The following TCHP variants were observed in gnomAD, a reference collection of about 807,000 sequenced individuals.
The protein encoded by TCHP is trichoplein keratin filament-binding protein.
In TCHP, 81 loss-of-function variants were observed where a neutral mutation model predicts 88.7. The ratio of observed to expected loss-of-function variants is 0.91; its 90% CI spans 0.76 to 1.10. The LOEUF (loss-of-function observed/expected upper bound fraction) is 1.10, where lower values mean the gene tolerates loss of function less well. TCHP is among the 50% of genes least tolerant of loss of function. TCHP has a pLI of 0.00. For missense variants in TCHP, 641 were observed against 632.1 expected, an observed-to-expected ratio of 1.01 and a Z score of -0.15; for synonymous variants, 232 against 232.5, an observed-to-expected ratio of 1.00 and a Z score of 0.02.
chr12:109,886,928 C>T, the TCHP span, among the ~76,000 whole-genome samples: 1 of 151,896 alleles, frequency 6.6e-6, no homozygotes, highest in Non-Finnish European at 1.5e-5. Context: ...AGGCTGGTCT[C>T]GAACTCCTGA....
At chr12:109,894,786 A>G in the TCHP span, among the ~76,000 whole-genome samples, 206 of 151,704 alleles carry the variant, frequency 1.4e-3, 1 homozygote, top group African/African-American at 4.7e-3. Context: ...AAAAAAAAAA[A>G]AAGACTTTGT....
intron 8 of TCHP, 61 bp downstream of exon 8, chr12:109,908,998 T>C (rs1870329203): frequency 6.7e-7 from 1 of 1,488,688 alleles, no homozygotes. Context: ...AGGCCTTCCA[T>C]TGCTTAGTAT....
At chr12:109,913,900 C>T (rs761675390) in intron 10 of TCHP, among the ~76,000 whole-genome samples, 1 of 152,190 alleles carries the variant, frequency 6.6e-6, no homozygotes, top group African/African-American at 2.4e-5. Flanking sequence ...TCTGTTCCCC[C>T]CAGCCCTGCA....
chr12:109,897,009 A>T (rs1288219345), upstream of TCHP, among the ~76,000 whole-genome samples: 1 of 152,202 alleles, frequency 6.6e-6, no homozygotes, highest in Admixed American at 6.5e-5. Context: ...AGCAAGGAAC[A>T]CGATGATCCC....
chr12:109,910,026 A>G (rs1297177257), intron 8 of TCHP, among the ~76,000 whole-genome samples: 1 of 151,954 alleles, frequency 6.6e-6, no homozygotes, highest in Non-Finnish European at 1.5e-5. Flanking sequence ...GTAATCCCAG[A>G]TACTCGGGGG....
At chr12:109,885,481 T>TG in the TCHP span, among the ~76,000 whole-genome samples, 1 of 133,402 alleles carries the variant, frequency 7.5e-6, no homozygotes, top group Non-Finnish European at 1.6e-5. Context: ...TCTGATGGTT[T>TG]TTTTTTTTTT....
chr12:109,898,685 T>C (rs1445115294), upstream of TCHP, among the ~76,000 whole-genome samples: 1 of 152,084 alleles, frequency 6.6e-6, no homozygotes, highest in Admixed American at 6.5e-5. Flanking sequence ...TGGAGTGCAA[T>C]GGTGTGATCA....
At chr12:109,908,556 C>CA (rs778749153) in intron 6 of TCHP, 30 bp from the exon 7 acceptor site, 8 of 1,543,964 alleles carry the variant, frequency 5.2e-6, no homozygotes, top group Non-Finnish European at 4.4e-6. Flanking sequence ...TCTCAGATCT[C>CA]AGTCGAGCTT....
chr12:109,908,458 T>C (rs902380588), intron 6 of TCHP, 128 bp from the exon 7 acceptor site: 2 of 724,706 alleles, frequency 2.8e-6, no homozygotes, highest in Non-Finnish European at 4.7e-6. Flanking sequence ...TGGGAGGGGA[T>C]CGTGACCACC....
chr12:109,914,977 G>A, intron 11 of TCHP: 1 of 391,064 alleles, frequency 2.6e-6, no homozygotes. Context: ...AGCTTTTCAC[G>A]AGGTACACGC....
chr12:109,894,433 A>T, the TCHP span, among the ~76,000 whole-genome samples: 1 of 149,702 alleles, frequency 6.7e-6, no homozygotes, highest in Admixed American at 6.7e-5. Flanking sequence ...ACTGCACTCC[A>T]GCCTGGGCAA....
chr12:109,882,735 G>A, the TCHP span, among the ~76,000 whole-genome samples: 1 of 140,776 alleles, frequency 7.1e-6, no homozygotes, highest in Non-Finnish European at 1.5e-5. Context: ...TCGGCTCACT[G>A]CAACCTCCGC....
At chr12:109,904,710 G>A in intron 3 of TCHP, 27 bp from the exon 4 acceptor site, 1 of 1,606,602 alleles carries the variant, frequency 6.2e-7, no homozygotes, top group Non-Finnish European at 8.5e-7. Context: ...ATGACATCAG[G>A]CTTTCCATTT....
chr12:109,884,576 A>G, the TCHP span, among the ~76,000 whole-genome samples: 1 of 152,252 alleles, frequency 6.6e-6, no homozygotes, highest in Non-Finnish European at 1.5e-5. Context: ...CAGAGCTGCT[A>G]GCTTTTCCAG....
chr12:109,908,721 ACT>A (rs1565911050), intron 7 of TCHP, 23 bp downstream of exon 7: 1 of 1,576,132 alleles, frequency 6.3e-7, no homozygotes. Flanking sequence ...AGGGCCCCCC[ACT>A]CTTCCCAGGC....
At position 109,904,100 on chromosome 12, in the gene TCHP, G is replaced by A; in HGVS notation, c.352G>A (p.Glu118Lys). 2 of 1,591,870 alleles carry A rather than the reference G, an allele frequency of 1.3e-6. No individual in the cohort carries two copies. Among genetic ancestry groups the A allele is most frequent in the Non-Finnish European group, 1.7e-6 (2 of 1,168,942 alleles). Residue 118 changes from glutamate to lysine, a missense_variant, in exon 3 of 13, where the codon GAG becomes AAG. Glu to Lys is a moderately conservative substitution (Grantham distance 56). Coordinates refer to ENST00000405876, the MANE Select transcript of TCHP (RefSeq NM_001143852.2). ...SMNLQERRIR[E>K]QHGKLKSAKE... ...GAACTTGCAGGAAAGAAGAATCCGG[G>A]AGCAGCACGGGAAGCTGAAATCAGC...
the TCHP span, among the ~76,000 whole-genome samples, chr12:109,882,310 G>A: frequency 1.3e-5 from 2 of 151,738 alleles, no homozygotes; most frequent in African/African-American, 2.4e-5. Context: ...GCAGGAGCCT[G>A]TAATCCCAGC....
intron 8 of TCHP, among the ~76,000 whole-genome samples, chr12:109,910,351 C>G (rs191682142): frequency 2.0e-5 from 3 of 152,246 alleles, no homozygotes; most frequent in African/African-American, 4.8e-5. Flanking sequence ...GGGTCTTGCT[C>G]TGTTGTCCAG....
At chr12:109,914,306 C>G (rs1480046417) in intron 10 of TCHP, 136 bp from the exon 11 acceptor site, 5 of 706,390 alleles carry the variant, frequency 7.1e-6, no homozygotes, top group Non-Finnish European at 1.2e-5. Flanking sequence ...TCATCTGGCT[C>G]TGCCTCTGCG....
Sources: gnomAD v4.1 joint callset for allele counts (sites outside exome capture counted in the v4.1 genomes callset) on GRCh38, gnomAD v4.1.1 for gene constraint, MANE v1.5 for transcripts, NCBI Gene and HGNC (gene_info 2026-07-23, HGNC 2026-07-21) for gene names.